Variants in TTC28 observed in about 807,000 individuals in gnomAD.
TTC28 encodes tetratricopeptide repeat domain 28.
In TTC28, 61 loss-of-function variants were observed where a neutral mutation model predicts 198.0. That is an observed-to-expected ratio of 0.31 (90% confidence interval 0.25 to 0.38). The LOEUF (loss-of-function observed/expected upper bound fraction) is 0.38. TTC28 is among the 10% of genes least tolerant of loss of function. The pLI is 1.00. For missense variants in TTC28, 2,678 were observed against 3,164.0 expected (o/e 0.85, Z 3.69); for synonymous variants, 1,171 against 1,297.8 (o/e 0.90, Z 2.10).
chr22:28,083,547 G>T (rs138284713), intron 12 of TTC28, among the ~76,000 whole-genome samples: 1 of 152,220 alleles, frequency 6.6e-6, no homozygotes, highest in Non-Finnish European at 1.5e-5. Context: ...CAAGATGGCC[G>T]AATAGGAACA....
intron 5 of TTC28, among the ~76,000 whole-genome samples, chr22:28,232,522 C>T (rs1459953448): frequency 1.3e-5 from 2 of 152,134 alleles, no homozygotes; most frequent in Admixed American, 1.3e-4. Context: ...TTCCGGGGTA[C>T]ATGTATCCTC....
At chr22:28,334,584 G>A (rs2045675504) in intron 2 of TTC28, among the ~76,000 whole-genome samples, 1 of 152,138 alleles carries the variant, frequency 6.6e-6, no homozygotes. Context: ...GTTTTGATTT[G>A]CATTTCTCTG....
chr22:28,529,695 C>A (rs536562439), intron 2 of TTC28, among the ~76,000 whole-genome samples: 39 of 152,152 alleles, frequency 2.6e-4, no homozygotes, highest in Admixed American at 2.6e-3. Flanking sequence ...GGTGCCCCTA[C>A]GAGACGAAGC....
chr22:28,514,773 T>C (rs926896010), intron 2 of TTC28, among the ~76,000 whole-genome samples: 8 of 152,240 alleles, frequency 5.3e-5, no homozygotes, highest in African/African-American at 1.7e-4. Context: ...ATTTGCCAAG[T>C]TGAACCTTTC....
chr22:28,068,963 A>T (rs1940860533), intron 12 of TTC28, among the ~76,000 whole-genome samples: 1 of 152,078 alleles, frequency 6.6e-6, no homozygotes, highest in African/African-American at 2.4e-5. Flanking sequence ...TTTTCATCTC[A>T]CATATATTTC....
chr22:28,558,602 G>A (rs1011799330), intron 2 of TTC28, among the ~76,000 whole-genome samples: 2 of 152,196 alleles, frequency 1.3e-5, no homozygotes, highest in African/African-American at 4.8e-5. Context: ...TTGAACCCCG[G>A]AGGCGGAGGT....
chr22:28,401,242 G>A (rs568433957), intron 2 of TTC28, among the ~76,000 whole-genome samples: 5 of 151,794 alleles, frequency 3.3e-5, no homozygotes, highest in South Asian at 2.1e-4. Context: ...TGACGACGAC[G>A]ACGACGACAA....
chr22:28,563,368 T>C (rs1055625188), intron 2 of TTC28, among the ~76,000 whole-genome samples: 1 of 152,326 alleles, frequency 6.6e-6, no homozygotes, highest in African/African-American at 2.4e-5. Context: ...GTCTTCTAAA[T>C]TTCTTGGATT....
chr22:28,546,685 T>C (rs1347342681), intron 2 of TTC28, among the ~76,000 whole-genome samples: 3 of 152,178 alleles, frequency 2.0e-5, no homozygotes, highest in African/African-American at 7.2e-5. Context: ...ATAGCAGTGT[T>C]ATTCATAATA....
At chr22:28,294,235 T>C (rs891083925) in intron 5 of TTC28, among the ~76,000 whole-genome samples, 1 of 151,922 alleles carries the variant, frequency 6.6e-6, no homozygotes, top group African/African-American at 2.4e-5. Flanking sequence ...CTAAGATGGG[T>C]AGGTTTGGGG....
In TTC28 at chr22:28,460,975, T is replaced by C. The variant is rs140750109; in HGVS notation, c.382-154332A>G. On this transcript the variant is annotated intron_variant, in intron 2 of 22. Transcript: ENST00000397906. Reference sequence around the variant, plus strand: ...CTGAGATTACAGGCATAAGCCACCATACCTGGCCTCCTATGATTTTAAGTA... The same window carrying C: ...CTGAGATTACAGGCATAAGCCACCACACCTGGCCTCCTATGATTTTAAGTA... Among the ~76,000 whole-genome samples the C allele has an allele frequency of 3.3e-4, 51 of 152,278 alleles. No individual in the cohort carries two copies. The East Asian group carries it at 7.5e-3, about 23-fold the overall frequency.
At chr22:28,644,921 A>G (rs1272703265) in intron 1 of TTC28, among the ~76,000 whole-genome samples, 3 of 151,986 alleles carry the variant, frequency 2.0e-5, no homozygotes, top group African/African-American at 4.8e-5. Context: ...TGAGGTGCGC[A>G]GATCATGAGG....
At chr22:27,998,357 T>A in intron 16 of TTC28, 183 bp downstream of exon 16, 5 of 1,012,088 alleles carry the variant, frequency 4.9e-6, no homozygotes, top group Non-Finnish European at 7.0e-6. Flanking sequence ...AAGATGATCT[T>A]AATAGTAGGA....
At position 28,306,395 on chromosome 22, in the gene TTC28, T is replaced by G. The variant is rs571089567; in HGVS notation, c.529+101A>C. 15 of 1,348,346 alleles carry G rather than the reference T, an allele frequency of 1.1e-5. No homozygotes were observed. The African/African-American group carries it at 1.8e-4, about 16-fold the overall frequency. The allele number at this position is 1,348,346 out of a possible 1,614,324, so 83.5% of individuals were successfully genotyped here. A position where few individuals can be genotyped will look rare whatever the true frequency, so the allele number is the denominator to read the frequency against. On this transcript the variant is annotated intron_variant, in intron 3 of 22. Coordinates refer to ENST00000397906, the MANE Select transcript of TTC28 (RefSeq NM_001145418.2). ...CTAAAATATCAAATCTTAGCAAATT[T>G]GATAACCTATCAATTCTCTGTGCCT...
intron 2 of TTC28, among the ~76,000 whole-genome samples, chr22:28,327,507 A>T (rs2066871195): frequency 6.6e-6 from 1 of 152,226 alleles, no homozygotes. Context: ...ACCTTTAAAC[A>T]GAAGCACATA....
chr22:27,993,128 G>C (rs1308893061), intron 18 of TTC28, 159 bp downstream of exon 18: 6 of 661,744 alleles, frequency 9.1e-6, no homozygotes, highest in Non-Finnish European at 1.5e-5. Flanking sequence ...CTCCAGGTGT[G>C]GAGATGCTTG....
intron 2 of TTC28, among the ~76,000 whole-genome samples, chr22:28,599,025 A>G (rs975904167): frequency 4.6e-5 from 7 of 152,252 alleles, no homozygotes; most frequent in African/African-American, 1.7e-4. Flanking sequence ...CATCAAAATC[A>G]AGAATAAAAC....
chr22:28,651,449 T>G lies in TTC28; in HGVS notation c.103-21619A>C, dbSNP rs185528136. On this transcript the variant is annotated intron_variant, in intron 1 of 22. Transcript: ENST00000397906. The stretch of plus-strand genomic sequence containing the variant: ...CCCAAGTAGCTGGAACCACAGGTAC[T>G]CTTTCGCCTAGGCTGGAGTACAGTG... 2.0e-5 allele frequency among the ~76,000 whole-genome samples: 3 copies of G among 152,206 alleles called. No individual in the cohort carries two copies. In the East Asian group the frequency reaches 5.8e-4, roughly 29 times the overall value.
At chr22:28,382,480 G>C (rs2046511314) in intron 2 of TTC28, among the ~76,000 whole-genome samples, 1 of 152,042 alleles carries the variant, frequency 6.6e-6, no homozygotes, top group Non-Finnish European at 1.5e-5. Flanking sequence ...ACAGAGATTT[G>C]ATTCTTTGGC....
Sources: gnomAD v4.1 joint callset for allele counts (sites outside exome capture counted in the v4.1 genomes callset) on GRCh38, gnomAD v4.1.1 for gene constraint, MANE v1.5 for transcripts, NCBI Gene and HGNC (gene_info 2026-07-23, HGNC 2026-07-21) for gene names.